ATP2B3: variants seen among roughly 807,000 people sequenced by gnomAD.
The protein encoded by ATP2B3 is plasma membrane calcium-transporting ATPase 3.
A neutral mutation model predicts 70.8 loss-of-function variants in ATP2B3; 12 were observed. That is an observed-to-expected ratio of 0.17 (90% CI 0.11 to 0.27). The LOEUF is 0.27. ATP2B3 is among the 10% of genes least tolerant of loss of function. ATP2B3 has a pLI of 1.00. For missense variants in ATP2B3, 858 were observed against 1,118.5 expected, an observed-to-expected ratio of 0.77 and a Z score of 3.32; for synonymous variants, 460 against 497.8, an observed-to-expected ratio of 0.92 and a Z score of 1.01.
chrX:153,542,214 G>C, intron 5 of ATP2B3, 109 bp from the exon 6 acceptor site: 1 of 1,097,265 alleles, frequency 9.1e-7, no homozygotes, highest in South Asian at 2.1e-5. Context: ...AGAAGGAGGA[G>C]GGCTCCTGAG....
Position 153,548,691 on chromosome X carries a change from T to C in ATP2B3, c.1175T>C (p.Ile392Thr), listed in dbSNP as rs191762680. 3 of 1,209,528 alleles carry C rather than the reference T, an allele frequency of 2.5e-6. No individual in the cohort carries two copies. Among genetic ancestry groups the C allele is most frequent in the Non-Finnish European group, 3.4e-6 (3 of 895,149 alleles). Residue 392 changes from isoleucine (I) to threonine (T), a missense_variant, in exon 10 of 22, where the codon ATT becomes ACT. Around this residue, in one of 5 missense-constraint regions of ATP2B3, gnomAD observed 278 missense variants for 366.2 expected, o/e 0.76. Transcript: ENST00000263519. ...ATCATCCTGGTCCTCTACTTTGTGA[T>C]TGAGACGTTTGTCGTGGAAGGCCGG... ...TVIILVLYFV[I>T]ETFVVEGRTW...
intron 2 of ATP2B3, among the ~76,000 whole-genome samples, chrX:153,519,411 C>T (rs2089923493): frequency 8.9e-6 from 1 of 112,037 alleles, no homozygotes; most frequent in African/African-American, 3.3e-5. Flanking sequence ...TCCTGAGCTC[C>T]ATCTGAGTCT....
In ATP2B3 at chrX:153,580,444, G is replaced by A. The variant is rs2090910286; in HGVS notation, c.*146G>A. On this transcript the variant is annotated 3_prime_UTR_variant, in exon 22 of 22. Transcript: ENST00000263519. ...GGTGGCTGAAGACCTTTCTGGCAGG[G>A]CATTTGCAAGGACCCAAATCCATTC... 3.4e-6 allele frequency: 2 copies of A among 584,705 alleles called. No homozygotes were observed. Among genetic ancestry groups the A allele is most frequent in the African/African-American group, 2.3e-5 (1 of 43,343 alleles). 48.2% of individuals were successfully genotyped at this position (584,705 alleles called of 1,213,427 possible).
intron 21 of ATP2B3, among the ~76,000 whole-genome samples, chrX:153,575,151 G>A (rs1445963907): frequency 8.9e-6 from 1 of 112,696 alleles, no homozygotes; most frequent in African/African-American, 3.2e-5. Context: ...AGCTCCAGCC[G>A]GCTGGGCATT....
intron 21 of ATP2B3, among the ~76,000 whole-genome samples, chrX:153,571,188 AG>A (rs1245726759): frequency 8.9e-6 from 1 of 112,207 alleles, no homozygotes; most frequent in Non-Finnish European, 1.9e-5. Context: ...GTGGGCCCAA[AG>A]GGGCCTCGCC....
chrX:153,559,411 A>C, intron 17 of ATP2B3: 1 of 287,709 alleles, frequency 3.5e-6, no homozygotes, highest in Non-Finnish European at 6.1e-6. Context: ...GCAGGAGACA[A>C]GGAGAGCAGC....
intron 20 of ATP2B3, among the ~76,000 whole-genome samples, chrX:153,563,792 C>T (rs1430678004): frequency 1.8e-5 from 2 of 112,730 alleles, no homozygotes; most frequent in Non-Finnish European, 3.8e-5. Context: ...CTGGGTTGTC[C>T]TTTTCATTTT....
chrX:153,536,940 C>G (rs1420474785), intron 3 of ATP2B3, among the ~76,000 whole-genome samples: 2 of 112,148 alleles, frequency 1.8e-5, no homozygotes, highest in African/African-American at 6.5e-5. Context: ...GGGGATGGCA[C>G]AAGCCATTTG....
At chrX:153,548,501 A>G in intron 9 of ATP2B3, 139 bp from the exon 10 acceptor site, 1 of 554,633 alleles carries the variant, frequency 1.8e-6, no homozygotes, top group Non-Finnish European at 2.9e-6. Flanking sequence ...TGGGCTGTTT[A>G]TCCTGAAACG....
chrX:153,542,253 G>A, intron 5 of ATP2B3, 70 bp from the exon 6 acceptor site: 2 of 1,190,898 alleles, frequency 1.7e-6, no homozygotes, highest in South Asian at 1.9e-5. Flanking sequence ...CATGGCACCT[G>A]ACGGGACCTC....
At chrX:153,532,608 G>T (rs1001106186) in intron 2 of ATP2B3, among the ~76,000 whole-genome samples, 1 of 112,280 alleles carries the variant, frequency 8.9e-6, no homozygotes, top group African/African-American at 3.2e-5. Context: ...CCACGAGGCC[G>T]GCCAGTCTGT....
rs1255966339 is a variant in ATP2B3, at chrX:153,542,333, G to A, written c.675G>A (p.Leu225=). The part of the protein sequence containing the change: ...DIAQVKYGDL[L]PADGVLIQAN... ...TTCCCGGTGCTCTAGGCGACCTGCTGCCAGCCGACGGCGTGCTCATCCAGG... is the reference window on the plus strand; with the variant it reads ...TTCCCGGTGCTCTAGGCGACCTGCTACCAGCCGACGGCGTGCTCATCCAGG... Residue 225 remains leucine (L), a synonymous_variant, in exon 6 of 22, where the codon CTG becomes CTA. Transcript: ENST00000263519. 8 of 1,209,894 alleles carry A rather than the reference G, an allele frequency of 6.6e-6. No individual in the cohort carries two copies. In the Middle Eastern group the frequency reaches 6.9e-4, roughly 104 times the overall value.
intron 2 of ATP2B3, among the ~76,000 whole-genome samples, chrX:153,524,336 C>T (rs2090000571): frequency 9.0e-6 from 1 of 110,658 alleles, no homozygotes; most frequent in African/African-American, 3.3e-5. Flanking sequence ...CTGCAAAAGG[C>T]CAGATGGTAA....
chrX:153,536,778 G>GAAA (rs2090198053), intron 3 of ATP2B3, among the ~76,000 whole-genome samples: 1 of 112,574 alleles, frequency 8.9e-6, no homozygotes, highest in East Asian at 2.8e-4. Flanking sequence ...CAGGGAGGAG[G>GAAA]AAGACAGCCC....
At chrX:153,572,832 T>G (rs946272859) in intron 21 of ATP2B3, among the ~76,000 whole-genome samples, 2 of 111,810 alleles carry the variant, frequency 1.8e-5, no homozygotes, top group African/African-American at 6.5e-5. Context: ...GGACAGCTGG[T>G]TCAGTCACTC....
At chrX:153,552,745 C>T (rs781901693) in intron 12 of ATP2B3, among the ~76,000 whole-genome samples, 2 of 112,429 alleles carry the variant, frequency 1.8e-5, no homozygotes, top group South Asian at 3.7e-4. Flanking sequence ...AAAAGCAGGG[C>T]GTGGGCAGGG....
chrX:153,549,588 C>T lies in ATP2B3; in HGVS notation c.1430C>T (p.Thr477Met). The T allele has an allele frequency of 1.6e-6, 2 of 1,212,385 alleles. No individual in the cohort carries two copies. The highest frequency in any genetic ancestry group is 2.2e-6 in the Non-Finnish European group (2 of 895,647). Residue 477 changes from threonine (T) to methionine (M), a missense_variant, in exon 11 of 22, where the codon ACG (threonine) becomes ATG (methionine). Thr to Met is a moderately conservative substitution (Grantham distance 81, BLOSUM62 -1). Coordinates refer to ENST00000263519, the MANE Select transcript of ATP2B3 (RefSeq NM_001001344.3). Reference sequence around the variant, plus strand: ...GCCATCTGCTCCGACAAGACGGGCACGCTCACCACCAACCGTATGACCGTG... The same window carrying T: ...GCCATCTGCTCCGACAAGACGGGCATGCTCACCACCAACCGTATGACCGTG... ...ATAICSDKTG[T>M]LTTNRMTVVQ...
At position 153,541,925 on chromosome X, in the gene ATP2B3, C is replaced by T. The variant is rs199920670; in HGVS notation, c.663C>T (p.Tyr221=). The change falls in exon 5 of 22, where the codon TAC becomes TAT. Residue 221 remains tyrosine, a splice_region_variant and synonymous_variant. Transcript: ENST00000263519. The stretch of plus-strand genomic sequence containing the variant: ...TGGGGGACATTGCCCAGGTCAAGTA[C>T]GGTGAGTGCCCTGGTCTTCACCCAC... The part of the protein sequence containing the change: ...LVVGDIAQVK[Y]GDLLPADGVL... The T allele has an allele frequency of 2.0e-5, 24 of 1,208,085 alleles. No individual in the cohort carries two copies. The highest frequency in any genetic ancestry group is 2.5e-5 in the Non-Finnish European group (22 of 894,345).
chrX:153,535,806 G>C (rs1038420648), intron 2 of ATP2B3, among the ~76,000 whole-genome samples: 1 of 112,743 alleles, frequency 8.9e-6, no homozygotes, highest in Non-Finnish European at 1.9e-5. Flanking sequence ...GATCTGGGGG[G>C]CAGTGACAGC....
Sources: allele counts gnomAD v4.1 joint callset (sites outside exome capture counted in the v4.1 genomes callset), GRCh38; gene constraint gnomAD v4.1.1; regional missense constraint gnomAD v4.1.1; transcripts MANE v1.5; gene names NCBI Gene and HGNC (gene_info 2026-07-23, HGNC 2026-07-21).